Variants in KCNIP1 observed in about 807,000 individuals in gnomAD.
KCNIP1 encodes the protein potassium voltage-gated channel interacting protein 1.
In KCNIP1, 18 loss-of-function variants were observed where a neutral mutation model predicts 33.0. The ratio of observed to expected loss-of-function variants is 0.55; its 90% confidence interval spans 0.38 to 0.81. KCNIP1 has a LOEUF of 0.81. Ranked by LOEUF, KCNIP1 falls within the 30% of genes least tolerant of loss-of-function variation. The pLI, the probability that KCNIP1 is intolerant of heterozygous loss-of-function variation, is 0.00. For missense variants in KCNIP1, 238 were observed against 271.6 expected (o/e 0.88, Z 0.87); for synonymous variants, 93 against 98.3 (o/e 0.95, Z 0.32).
intron 1 of KCNIP1, among the ~76,000 whole-genome samples, chr5:170,688,783 G>C (rs1762625147): frequency 6.6e-6 from 1 of 152,202 alleles, no homozygotes; most frequent in Admixed American, 6.5e-5. Flanking sequence ...TGGGAACAAA[G>C]ATCTAAATTC....
At chr5:170,608,727 C>T (rs1018301483) in intron 1 of KCNIP1, among the ~76,000 whole-genome samples, 5 of 150,852 alleles carry the variant, frequency 3.3e-5, no homozygotes, top group African/African-American at 1.2e-4. Flanking sequence ...AGCTGAGATG[C>T]ACTCCAGCCT....
At chr5:170,443,606 C>T (rs1756043129) in intron 1 of KCNIP1, among the ~76,000 whole-genome samples, 1 of 152,208 alleles carries the variant, frequency 6.6e-6, no homozygotes, top group African/African-American at 2.4e-5. Flanking sequence ...CATCAGAAAA[C>T]TTGTTGTAAT....
At chr5:170,470,996 T>A (rs775529330) in intron 1 of KCNIP1, among the ~76,000 whole-genome samples, 9 of 152,256 alleles carry the variant, frequency 5.9e-5, no homozygotes, top group Non-Finnish European at 1.3e-4. Context: ...GTTGAGATGT[T>A]ATCTTTAGTT....
rs141776567 is a variant in KCNIP1 at position 170,713,348 on chromosome 5, T to C, written c.62-5410T>C. Among the ~76,000 whole-genome samples the C allele has an allele frequency of 3.0e-3, 459 of 152,238 alleles. 2 individuals are homozygous for C. Among genetic ancestry groups the C allele is most frequent in the African/African-American group, 0.01 (426 of 41,530 alleles). ...ATGTGTTTAAATAAACAGTGAGGAG[T>C]AGGCTATGTGGTTTGTAGGTGGGAG... On this transcript the variant is annotated intron_variant, in intron 1 of 7. Transcript: ENST00000328939.
rs537514213 is a variant in KCNIP1 at position 170,616,569 on chromosome 5, G to A, written c.62-102189G>A. Among the ~76,000 whole-genome samples, 3 of 152,284 alleles carry A rather than the reference G, an allele frequency of 2.0e-5. No homozygotes were observed. The South Asian group carries it at 6.2e-4, about 32-fold the overall frequency. On this transcript the variant is annotated intron_variant, in intron 1 of 7. Coordinates refer to ENST00000328939, the MANE Select transcript of KCNIP1 (RefSeq NM_014592.4). Reference sequence around the variant, plus strand: ...GCGGCATCTCTGCGTTCACGTCTGTGTGCTCACCATGAGAGCCCACCTCTC... The same window carrying A: ...GCGGCATCTCTGCGTTCACGTCTGTATGCTCACCATGAGAGCCCACCTCTC...
chr5:170,601,650 T>C (rs902752632), intron 1 of KCNIP1, among the ~76,000 whole-genome samples: 2 of 152,158 alleles, frequency 1.3e-5, no homozygotes, highest in Admixed American at 6.5e-5. Context: ...AGAAAAAAGA[T>C]TGCACTCATT....
At chr5:170,358,936 C>G (rs1354344947) in intron 1 of KCNIP1, among the ~76,000 whole-genome samples, 1 of 152,216 alleles carries the variant, frequency 6.6e-6, no homozygotes, top group Admixed American at 6.5e-5. Context: ...CTACTCCCCA[C>G]CTTGCCACCA....
At chr5:170,634,219 G>A (rs1177349120) in intron 1 of KCNIP1, among the ~76,000 whole-genome samples, 1 of 152,206 alleles carries the variant, frequency 6.6e-6, no homozygotes, top group Non-Finnish European at 1.5e-5. Context: ...GGGAACTTAT[G>A]TTCGGACTTG....
chr5:170,575,850 A>G (rs145783955), intron 1 of KCNIP1, among the ~76,000 whole-genome samples: 152 of 152,262 alleles, frequency 1.0e-3, no homozygotes, highest in African/African-American at 3.5e-3. Context: ...CCTTATTACA[A>G]CTGTTAGGTG....
intron 1 of KCNIP1, among the ~76,000 whole-genome samples, chr5:170,430,742 A>G (rs1439353874): frequency 6.6e-6 from 1 of 152,184 alleles, no homozygotes; most frequent in Non-Finnish European, 1.5e-5. Context: ...CATGGGGACT[A>G]TGTGAGGTCA....
intron 1 of KCNIP1, among the ~76,000 whole-genome samples, chr5:170,671,842 T>C (rs1761937043): frequency 1.3e-5 from 2 of 152,272 alleles, no homozygotes; most frequent in Non-Finnish European, 2.9e-5. Flanking sequence ...TTCTTTGTGC[T>C]GGGCTTATGC....
chr5:170,621,360 G>A (rs140703138), intron 1 of KCNIP1, among the ~76,000 whole-genome samples: 136 of 115,116 alleles, frequency 1.2e-3, no homozygotes, highest in African/African-American at 4.1e-3. Flanking sequence ...GGGCTGCAAC[G>A]TTCCTCAGTG....
Position 170,400,099 on chromosome 5 carries a change from C to T in KCNIP1, c.88+46135C>T, listed in dbSNP as rs571912226. ...CAGGGATTGGAATTCAGGCCTGTCT[C>T]GACAGCCTCTCGTGAGTGCCAGAAC... On this transcript the variant is annotated intron_variant, in intron 1 of 7. Transcript: ENST00000377360. 5.3e-4 allele frequency among the ~76,000 whole-genome samples: 81 copies of T among 152,302 alleles called. No individual in the cohort carries two copies. In the South Asian group the frequency reaches 6.0e-3, roughly 11 times the overall value.
At chr5:170,608,872 T>A (rs1759035938) in intron 1 of KCNIP1, among the ~76,000 whole-genome samples, 1 of 152,132 alleles carries the variant, frequency 6.6e-6, no homozygotes, top group Non-Finnish European at 1.5e-5. Context: ...TAAAATCTCC[T>A]TTGCTAGAGG....
chr5:170,496,271 T>C (rs552765908), intron 1 of KCNIP1, among the ~76,000 whole-genome samples: 70 of 152,302 alleles, frequency 4.6e-4, no homozygotes, highest in African/African-American at 1.4e-3. Context: ...TGTGCATCCA[T>C]CTCTCCTATC....
chr5:170,561,056 G>A (rs1757018096), intron 1 of KCNIP1: 2 of 454,826 alleles, frequency 4.4e-6, no homozygotes, highest in Admixed American at 4.7e-5. Context: ...CAGCCTCCTG[G>A]CTGGTGCGTG....
At chr5:170,504,014 C>T, upstream of KCNIP1, 1 of 984,802 alleles carries the variant, frequency 1.0e-6, no homozygotes, top group Middle Eastern at 5.2e-4. This position sits in a 1 kb window ranked among gnomAD's most constrained non-coding sequence, Gnocchi z 6.0. Flanking sequence ...CCCCCTCCGC[C>T]GCTCCGACTC....
intron 1 of KCNIP1, among the ~76,000 whole-genome samples, chr5:170,590,496 T>C (rs943162198): frequency 6.6e-6 from 1 of 152,058 alleles, no homozygotes; most frequent in Non-Finnish European, 1.5e-5. Context: ...GGATTTGCAG[T>C]TGGACTCTGC....
rs150815288 is a variant in KCNIP1 at position 170,652,338 on chromosome 5, A to C, written c.62-66420A>C. On this transcript the variant is annotated intron_variant, in intron 1 of 7. Coordinates refer to ENST00000328939, the MANE Select transcript of KCNIP1 (RefSeq NM_014592.4). ...GTCTCTACTAAAAATACAAAAAGTT[A>C]GCCAAGTGTGATGACACATGCTTAT... Among the ~76,000 whole-genome samples the C allele has an allele frequency of 3.1e-3, 472 of 152,052 alleles. 3 individuals are homozygous for C. The highest frequency in any genetic ancestry group is 0.011 in the African/African-American group (446 of 41,472).
Sources: allele counts gnomAD v4.1 joint callset (sites outside exome capture counted in the v4.1 genomes callset), GRCh38; gene constraint gnomAD v4.1.1; non-coding constraint Gnocchi (gnomAD v3.1); transcripts MANE v1.5; gene names NCBI Gene and HGNC (gene_info 2026-07-23, HGNC 2026-07-21).